The following CCDC6 variants were observed in gnomAD, a reference collection of about 807,000 sequenced individuals.
CCDC6 encodes the protein coiled-coil domain containing 6.
CCDC6 carries 20 observed loss-of-function variants against 56.6 expected under a neutral mutation model. The observed-to-expected ratio is 0.35, with a 90% CI of 0.25 to 0.51. CCDC6 has a LOEUF of 0.51. Ranked by LOEUF, CCDC6 falls within the 20% of genes least tolerant of loss-of-function variation. The pLI is 0.95. For missense variants in CCDC6, 367 were observed against 601.1 expected (o/e 0.61, Z 4.07); for synonymous variants, 241 against 234.4 (o/e 1.03, Z -0.26).
At chr10:59,883,106 C>T (rs1245397981) in intron 1 of CCDC6, among the ~76,000 whole-genome samples, 2 of 152,080 alleles carry the variant, frequency 1.3e-5, no homozygotes, top group African/African-American at 4.8e-5. Context: ...GTCCCAGGGA[C>T]TTGGAAGGGT....
intron 1 of CCDC6, among the ~76,000 whole-genome samples, chr10:59,882,003 T>TGGGGGGAGAAGGAAAGGAAAGCCAG (rs199594834): frequency 6.7e-5 from 6 of 88,894 alleles, no homozygotes; most frequent in Admixed American, 1.4e-4. Flanking sequence ...GAAGGAAAGC[T>TGGGGGGAGAAGGAAAGGAAAGCCAG]GGGGAGAAGG....
At chr10:59,877,106 G>C (rs988667888) in intron 1 of CCDC6, among the ~76,000 whole-genome samples, 1 of 152,186 alleles carries the variant, frequency 6.6e-6, no homozygotes. Flanking sequence ...AGGGACGACT[G>C]TCTTACACAC....
At chr10:59,810,186 T>C (rs561843131) in intron 5 of CCDC6, among the ~76,000 whole-genome samples, 1 of 152,262 alleles carries the variant, frequency 6.6e-6, no homozygotes, top group South Asian at 2.1e-4. Context: ...CCACCTGCCA[T>C]AGCTGCATCC....
At chr10:59,797,620 C>CAAAAAAAAAAGA (rs2070533265) in intron 7 of CCDC6, among the ~76,000 whole-genome samples, 1 of 57,966 alleles carries the variant, frequency 1.7e-5, no homozygotes, top group Non-Finnish European at 3.2e-5. Context: ...AAAAAAAAAT[C>CAAAAAAAAAAGA]AACAAGAAGA....
At chr10:59,873,807 A>G (rs1392843600) in intron 1 of CCDC6, among the ~76,000 whole-genome samples, 1 of 152,160 alleles carries the variant, frequency 6.6e-6, no homozygotes, top group African/African-American at 2.4e-5. Flanking sequence ...ATTTTGTAAT[A>G]GACTGCTAAT....
rs1049072751 is a variant in CCDC6 at position 59,789,051 on chromosome 10, C to T, written c.*3866G>A. 7 of 221,116 alleles carry T rather than the reference C, an allele frequency of 3.2e-5. No homozygotes were observed. Among genetic ancestry groups the T allele is most frequent in the African/African-American group, 4.6e-5 (2 of 43,488 alleles). The allele number at this position is 221,116 out of a possible 1,614,324, so 13.7% of individuals were successfully genotyped here. On this transcript the variant is annotated 3_prime_UTR_variant, in exon 9 of 9. Transcript: ENST00000263102. ...ATCTTTCTGTTGGACAGTCCACTTT[C>T]GCTTTCCAGGCTAAGTTCCAAATCA...
At chr10:59,800,093 C>T (rs192680354) in intron 7 of CCDC6, among the ~76,000 whole-genome samples, 229 of 152,278 alleles carry the variant, frequency 1.5e-3, no homozygotes, top group Admixed American at 8.6e-3. Flanking sequence ...AAATAGTTTA[C>T]AATTCACAAG....
Position 59,792,699 on chromosome 10 carries a change from A to G in CCDC6, c.*218T>C. On this transcript the variant is annotated 3_prime_UTR_variant, in exon 9 of 9. Transcript: ENST00000263102. ...GGGAATGGACGTACATGAAGATTCA[A>G]GTAAAACACTGATGGAAAAAGTCGT... The G allele has an allele frequency of 1.3e-6, 1 of 760,730 alleles. No individual in the cohort carries two copies. The highest frequency in any genetic ancestry group is 2.4e-6 in the Non-Finnish European group (1 of 415,810). 47.1% of individuals were successfully genotyped at this position (760,730 alleles called of 1,614,324 possible).
chr10:59,867,344 C>G (rs1038848066), intron 1 of CCDC6, among the ~76,000 whole-genome samples: 1 of 152,160 alleles, frequency 6.6e-6, no homozygotes, highest in Non-Finnish European at 1.5e-5. Context: ...CATGCCTCAT[C>G]ATACCCTCCC....
chr10:59,893,957 G>A (rs1170264303), intron 1 of CCDC6, among the ~76,000 whole-genome samples: 1 of 152,140 alleles, frequency 6.6e-6, no homozygotes, highest in African/African-American at 2.4e-5. Flanking sequence ...TGTGCCTCAT[G>A]TCTTTCATCT....
chr10:59,876,866 G>A (rs2071286886), intron 1 of CCDC6, among the ~76,000 whole-genome samples: 1 of 152,138 alleles, frequency 6.6e-6, no homozygotes, highest in South Asian at 2.1e-4. Flanking sequence ...GTTATGTTAT[G>A]AGACATGCAT....
intron 3 of CCDC6, among the ~76,000 whole-genome samples, chr10:59,827,306 G>T (rs2070796019): frequency 6.6e-6 from 1 of 152,190 alleles, no homozygotes; most frequent in Admixed American, 6.5e-5. Flanking sequence ...TAGAAAATCA[G>T]TGCAAAGCAT....
At chr10:59,896,471 G>A (rs1283952276) in intron 1 of CCDC6, among the ~76,000 whole-genome samples, 1 of 152,020 alleles carries the variant, frequency 6.6e-6, no homozygotes, top group African/African-American at 2.4e-5. Flanking sequence ...ACAGCTAACA[G>A]GCAGTACAAA....
At chr10:59,794,140 A>C (rs2070492761) in intron 8 of CCDC6, among the ~76,000 whole-genome samples, 1 of 152,348 alleles carries the variant, frequency 6.6e-6, no homozygotes, top group African/African-American at 2.4e-5. Context: ...GTGAAGGTGC[A>C]GACAATAAAT....
chr10:59,831,327 T>G (rs1454353546), intron 3 of CCDC6, among the ~76,000 whole-genome samples: 1 of 152,208 alleles, frequency 6.6e-6, no homozygotes, highest in Admixed American at 6.5e-5. Flanking sequence ...CCTAGTACCA[T>G]TCCCTGCTTT....
intron 3 of CCDC6, among the ~76,000 whole-genome samples, chr10:59,816,678 C>T (rs991238965): frequency 6.6e-6 from 1 of 152,188 alleles, no homozygotes; most frequent in Admixed American, 6.5e-5. Context: ...ACTTAGAAAG[C>T]ACTCAACACT....
At position 59,796,048 on chromosome 10, in the gene CCDC6, C is replaced by A. The variant is rs539638036; in HGVS notation, c.1106-1451G>T. ...CTAGTTCTAGATCCCTGAGGAATCA[C>A]CACACTGACTTTCACAATGGTTGAA... On this transcript the variant is annotated intron_variant, in intron 7 of 8. Transcript: ENST00000263102. 1.3e-3 allele frequency among the ~76,000 whole-genome samples: 193 copies of A among 152,294 alleles called. 1 individual carries two copies. The highest frequency in any genetic ancestry group is 0.012 in the Admixed American group (183 of 15,294).
chr10:59,870,249 C>G (rs2071216821), intron 1 of CCDC6, among the ~76,000 whole-genome samples: 1 of 152,178 alleles, frequency 6.6e-6, no homozygotes, highest in Non-Finnish European at 1.5e-5. Context: ...AAAGGCTTCT[C>G]TTAAACTCAA....
At chr10:59,903,474 A>C (rs117852020) in intron 1 of CCDC6, among the ~76,000 whole-genome samples, 2,791 of 152,306 alleles carry the variant, frequency 0.018, 40 homozygotes, top group Non-Finnish European at 0.028. Context: ...GTCTATTAAA[A>C]AACAAAACAA....
Sources: gnomAD v4.1 joint callset for allele counts (sites outside exome capture counted in the v4.1 genomes callset) on GRCh38, gnomAD v4.1.1 for gene constraint, MANE v1.5 for transcripts, NCBI Gene and HGNC (gene_info 2026-07-23, HGNC 2026-07-21) for gene names.